The following TGM2 variants were observed in gnomAD, a reference collection of about 807,000 sequenced individuals.
The protein encoded by TGM2 is protein-glutamine gamma-glutamyltransferase 2.
In TGM2, 53 loss-of-function variants were observed where a neutral mutation model predicts 75.6. That is an observed-to-expected ratio of 0.70 (90% CI 0.56 to 0.88). The LOEUF is 0.88. TGM2 is among the 40% of genes least tolerant of loss of function. The pLI, the probability that TGM2 is intolerant of heterozygous loss-of-function variation, is 0.00. For synonymous variants in TGM2, 374 were observed against 381.1 expected, an observed-to-expected ratio of 0.98 and a Z score of 0.22; for missense variants, 842 against 928.5, an observed-to-expected ratio of 0.91 and a Z score of 1.21.
Position 38,130,756 on chromosome 20 carries a change from C to T in TGM2, c.1913+337G>A, listed in dbSNP as rs45453192. On this transcript the variant is annotated intron_variant, in intron 12 of 12. Transcript: ENST00000361475. ...GTGCAGCTACGTATCTATGTGGAAACACCCACGCATGCATATGTGTGTGCA... is the reference window on the plus strand; with the variant it reads ...GTGCAGCTACGTATCTATGTGGAAATACCCACGCATGCATATGTGTGTGCA... 2.6e-3 allele frequency among the ~76,000 whole-genome samples: 402 copies of T among 152,328 alleles called. 3 individuals are homozygous for T. Among genetic ancestry groups the T allele is most frequent in the African/African-American group, 9.3e-3 (385 of 41,570 alleles).
intron 3 of TGM2, among the ~76,000 whole-genome samples, chr20:38,153,913 C>T (rs1001018786): frequency 2.6e-5 from 4 of 152,188 alleles, no homozygotes; most frequent in African/African-American, 9.7e-5. Flanking sequence ...ACCTCCTGGA[C>T]TCAAGCGATC....
chr20:38,135,986 A>G (rs1198531844), intron 10 of TGM2, among the ~76,000 whole-genome samples: 1 of 152,180 alleles, frequency 6.6e-6, no homozygotes, highest in African/African-American at 2.4e-5. Flanking sequence ...CACCGCGCCC[A>G]AGGTGGTGCA....
intron 10 of TGM2, among the ~76,000 whole-genome samples, chr20:38,135,404 TACACAC>T (rs111420640): frequency 2.9e-4 from 43 of 147,424 alleles, no homozygotes; most frequent in African/African-American, 9.3e-4. Flanking sequence ...CCTAAATGTA[TACACAC>T]ACACACACAC....
chr20:38,159,558 AG>A (rs2075230228), intron 2 of TGM2, among the ~76,000 whole-genome samples: 2 of 152,246 alleles, frequency 1.3e-5, no homozygotes, highest in South Asian at 4.1e-4. Context: ...TAAATAAAAA[AG>A]AAAGTAGAAA....
chr20:38,156,348 C>T (rs773453146), intron 2 of TGM2, among the ~76,000 whole-genome samples: 8 of 152,272 alleles, frequency 5.3e-5, no homozygotes, highest in Non-Finnish European at 1.2e-4. Flanking sequence ...CTAAAGAGTC[C>T]TCCTGAGAGA....
At chr20:38,141,217 G>T (rs1600490869) in intron 8 of TGM2, 65 bp downstream of exon 8, 6 of 1,376,150 alleles carry the variant, frequency 4.4e-6, no homozygotes, top group Non-Finnish European at 6.1e-6. Flanking sequence ...CTCCAGCTGA[G>T]TCACTTTAAC....
rs770284064 is a variant in TGM2, at chr20:38,130,190, G to A, written c.*29C>T. 1 of 1,612,400 alleles carries A rather than the reference G, an allele frequency of 6.2e-7. No homozygotes were observed. Among genetic ancestry groups the A allele is most frequent in the Non-Finnish European group, 8.5e-7 (1 of 1,179,634 alleles). ...GATAAGGATTGGGATCAAGGTGGGG[G>A]CTCTCAGCAGGCTGGGAGCAGGGGT... On this transcript the variant is annotated 3_prime_UTR_variant, in exon 13 of 13. Coordinates refer to ENST00000361475, the MANE Select transcript of TGM2 (RefSeq NM_004613.4).
intron 10 of TGM2, among the ~76,000 whole-genome samples, chr20:38,136,163 A>G (rs1018245243): frequency 2.0e-5 from 3 of 152,170 alleles, no homozygotes; most frequent in Non-Finnish European, 4.4e-5. Flanking sequence ...GGGTGTGCCC[A>G]GGGCGTGCAG....
rs746163265 is a variant in TGM2, at chr20:38,132,415, G to C, written c.1701C>G (p.Leu567=). The change falls in exon 11 of 13, where the codon CTC becomes CTG. Residue 567 remains leucine, a synonymous_variant. Coordinates refer to ENST00000361475, the MANE Select transcript of TGM2 (RefSeq NM_004613.4). The part of the protein sequence containing the change: ...ESNLIKVRAL[L]VEPVINSYLL... ...GGTAGCTGTTGATAACTGGCTCCACGAGGAGGGCCCGCACCTTGATGAGGT... is the reference window on the plus strand; with the variant it reads ...GGTAGCTGTTGATAACTGGCTCCACCAGGAGGGCCCGCACCTTGATGAGGT... 1.2e-6 allele frequency: 2 copies of C among 1,614,140 alleles called. No individual in the cohort carries two copies. Among genetic ancestry groups the C allele is most frequent in the South Asian group, 1.1e-5 (1 of 91,084 alleles).
In TGM2 at chr20:38,149,691, A is replaced by AC. The variant is rs1568695283; in HGVS notation, c.552+1247_552+1248insG. On this transcript the variant is annotated intron_variant, in intron 4 of 12. Transcript: ENST00000361475. ...GAGACTCCGCCTCAAAAAAAAAAAA[A>AC]AAAAAAAAAACAGGACCCTGGGAAA... Among the ~76,000 whole-genome samples, 7 of 148,626 alleles carry AC rather than the reference A, an allele frequency of 4.7e-5. 1 individual carries two copies. In the East Asian group the frequency reaches 7.8e-4, roughly 17 times the overall value.
At chr20:38,166,895 T>C (rs2075315220), upstream of TGM2, among the ~76,000 whole-genome samples, 1 of 152,048 alleles carries the variant, frequency 6.6e-6, no homozygotes, top group Admixed American at 6.5e-5. Context: ...AAGAGCAGCG[T>C]GAGGAGAATC....
rs1251218887 is a variant in TGM2 at position 38,165,190 on chromosome 20, C to A, written c.9G>T (p.Glu3Asp). 3.7e-6 allele frequency: 6 copies of A among 1,613,440 alleles called. No individual in the cohort carries two copies. In the Admixed American group the frequency reaches 8.3e-5, roughly 22 times the overall value. Residue 3 changes from glutamate (E) to aspartate (D), a missense_variant and splice_region_variant, in exon 1 of 13, where the codon GAG (glutamate) becomes GAT (aspartate). Glu to Asp is a conservative substitution (Grantham distance 45, BLOSUM62 2). Coordinates refer to ENST00000361475, the MANE Select transcript of TGM2 (RefSeq NM_004613.4). ...GGCTGCGGTGACTCTGATACTCACC[C>A]TCGGCCATGGTCGGGCGGGGGCGGT... MA[E>D]ELVLERCDLE...
chr20:38,135,313 G>A (rs566551932), intron 10 of TGM2, among the ~76,000 whole-genome samples: 96 of 152,172 alleles, frequency 6.3e-4, no homozygotes, highest in African/African-American at 2.2e-3. Flanking sequence ...GCACTGAAAC[G>A]ATGGGACTGG....
chr20:38,141,538 C>A (rs1017329677), intron 7 of TGM2, among the ~76,000 whole-genome samples, 153 bp from the exon 8 acceptor site: 1 of 152,106 alleles, frequency 6.6e-6, no homozygotes, highest in Admixed American at 6.5e-5. Context: ...GTTCTTCCCC[C>A]CACGGGGGCC....
chr20:38,130,661 G>C (rs1387504220), intron 12 of TGM2, among the ~76,000 whole-genome samples: 4 of 152,170 alleles, frequency 2.6e-5, no homozygotes, highest in Admixed American at 2.6e-4. Flanking sequence ...TAGGTGATCT[G>C]TGCTTTTTAC....
At chr20:38,146,520 T>A (rs1224402479) in intron 6 of TGM2, 197 bp downstream of exon 6, 30 of 728,276 alleles carry the variant, frequency 4.1e-5, no homozygotes, top group Non-Finnish European at 7.0e-5. Context: ...ATGATAGCCC[T>A]TGATCCTAAC....
At chr20:38,153,072 C>G (rs1015264226) in intron 3 of TGM2, among the ~76,000 whole-genome samples, 1 of 152,116 alleles carries the variant, frequency 6.6e-6, no homozygotes, top group Admixed American at 6.5e-5. Flanking sequence ...ACTTCTGTCC[C>G]GAGAAATCAT....
intron 4 of TGM2, among the ~76,000 whole-genome samples, chr20:38,148,624 C>A (rs2075075871): frequency 6.6e-6 from 1 of 152,212 alleles, no homozygotes; most frequent in Admixed American, 6.5e-5. Flanking sequence ...CACAGTAAAA[C>A]CTAGACTTCA....
intron 10 of TGM2, among the ~76,000 whole-genome samples, chr20:38,134,959 A>AAG (rs2074880578): frequency 1.3e-5 from 2 of 152,224 alleles, no homozygotes; most frequent in African/African-American, 4.8e-5. Flanking sequence ...CTCACTTTCC[A>AAG]GCCAGAGGCC....
Sources: allele counts gnomAD v4.1 joint callset (sites outside exome capture counted in the v4.1 genomes callset), GRCh38; gene constraint gnomAD v4.1.1; transcripts MANE v1.5; gene names NCBI Gene and HGNC (gene_info 2026-07-23, HGNC 2026-07-21).